The following AOC1 variants were observed in gnomAD, a reference collection of about 807,000 sequenced individuals.
The protein encoded by AOC1 is diamine oxidase [copper-containing].
In AOC1, 58 loss-of-function variants were observed where a neutral mutation model predicts 57.1. That is an observed-to-expected ratio of 1.02 (90% CI 0.82 to 1.26). AOC1 has a LOEUF of 1.26. Among genes scored for constraint, AOC1 ranks in the 50% most tolerant of loss-of-function variants. The pLI is 0.00. For missense variants in AOC1, 917 were observed against 1,005.3 expected, an observed-to-expected ratio of 0.91 and a Z score of 1.19; for synonymous variants, 401 against 423.4, an observed-to-expected ratio of 0.95 and a Z score of 0.65.
intron 1 of AOC1, among the ~76,000 whole-genome samples, chr7:150,853,556 A>T (rs1018645255): frequency 4.7e-5 from 7 of 149,898 alleles, no homozygotes; most frequent in South Asian, 2.1e-4. Context: ...AAAGTCTATT[A>T]AAAAAAAAGT....
intron 3 of AOC1, among the ~76,000 whole-genome samples, chr7:150,859,511 G>A (rs1799901619): frequency 1.3e-5 from 2 of 151,764 alleles, no homozygotes; most frequent in Admixed American, 1.3e-4. Context: ...AGACCATCCT[G>A]GCTAACACGG....
In AOC1 at chr7:150,856,923, C is replaced by G. The variant is rs1367747683; in HGVS notation, c.453C>G (p.Leu151=). The G allele has an allele frequency of 1.2e-6, 2 of 1,614,142 alleles. No individual in the cohort carries two copies. Among genetic ancestry groups the G allele is most frequent in the South Asian group, 1.1e-5 (1 of 91,088 alleles). ...RPISTAEYAL[L]YHTLQEATKP... is the part of the protein sequence containing the mutation. The stretch of plus-strand genomic sequence containing the variant: ...TCTCCACAGCAGAGTATGCCCTCCT[C>G]TACCACACCCTGCAGGAAGCCACCA... The change falls in exon 2 of 5, where the codon CTC becomes CTG. Residue 151 remains leucine, a synonymous_variant. Coordinates refer to ENST00000360937, the MANE Select transcript of AOC1 (RefSeq NM_001091.4). This position sits in a 1 kb window ranked among gnomAD's most constrained non-coding sequence, Gnocchi z 5.2.
chr7:150,854,892 G>A (rs1799728373), intron 1 of AOC1, among the ~76,000 whole-genome samples: 1 of 152,168 alleles, frequency 6.6e-6, no homozygotes, highest in African/African-American at 2.4e-5. Context: ...TGGGCCCCCT[G>A]GGAAGAGGCT....
chr7:150,857,354 T>C lies in AOC1; in HGVS notation c.884T>C (p.Ile295Thr). The change falls in exon 2 of 5, where the codon ATC (isoleucine) becomes ACC (threonine). Residue 295 changes from isoleucine to threonine, a missense_variant. Transcript: ENST00000360937. The surrounding 1 kb of genome is among the most constrained non-coding windows in gnomAD (Gnocchi z 6.6). The part of the protein sequence containing the change: ...HKPRGDFPSP[I>T]HVSGPRLVQP... Reference sequence around the variant, plus strand: ...CCCCGCGGGGACTTCCCCAGCCCCATCCATGTGAGCGGCCCCCGCTTGGTC... The same window carrying C: ...CCCCGCGGGGACTTCCCCAGCCCCACCCATGTGAGCGGCCCCCGCTTGGTC... 1.2e-6 allele frequency: 2 copies of C among 1,606,208 alleles called. No homozygotes were observed. The highest frequency in any genetic ancestry group is 1.7e-4 in the Middle Eastern group (1 of 6,042).
At chr7:150,859,528 C>T (rs1342522118) in intron 3 of AOC1, among the ~76,000 whole-genome samples, 1 of 151,708 alleles carries the variant, frequency 6.6e-6, no homozygotes, top group African/African-American at 2.4e-5. Context: ...ACGGTGAAAC[C>T]TCATCTCTAC....
intron 3 of AOC1, chr7:150,859,810 G>T: frequency 6.4e-6 from 1 of 155,054 alleles, no homozygotes; most frequent in Middle Eastern, 5.2e-4. Flanking sequence ...CACTTTAAGT[G>T]GGCTGAGGAA....
Position 150,858,826 on chromosome 7 carries a change from C to T in AOC1, c.1634C>T (p.Pro545Leu), listed in dbSNP as rs762209291. Reference protein sequence around the residue: ...KLENITNPWSPRHRVVQPTLE... With the variant: ...KLENITNPWSLRHRVVQPTLE... ...GAAAACATCACCAACCCCTGGAGCC[C>T]AAGACACCGCGTGGTCCAGCCAACT... Residue 545 changes from proline (P) to leucine (L), a missense_variant, in exon 3 of 5, where the codon CCA becomes CTA. Transcript: ENST00000360937. The T allele has an allele frequency of 2.5e-6, 4 of 1,613,520 alleles. No individual in the cohort carries two copies. The highest frequency in any genetic ancestry group is 1.3e-5 in the African/African-American group (1 of 74,910).
In AOC1 at chr7:150,857,699, T is replaced by G; in HGVS notation, c.1229T>G (p.Val410Gly). ...CACTACTATGATGCCGATGACCCGGTCCATTATCCCCGAGCCCTCTGCCTC... is the reference window on the plus strand; with the variant it reads ...CACTACTATGATGCCGATGACCCGGGCCATTATCCCCGAGCCCTCTGCCTC... ...TFHYYDADDP[V>G]HYPRALCLFE... The change falls in exon 2 of 5, where the codon GTC becomes GGC. Residue 410 changes from valine to glycine, a missense_variant. Val to Gly is a moderately radical substitution (Grantham distance 109). Transcript: ENST00000360937. This position sits in a 1 kb window ranked among gnomAD's most constrained non-coding sequence, Gnocchi z 6.6. 1 of 1,613,954 alleles carries G rather than the reference T, an allele frequency of 6.2e-7. No individual in the cohort carries two copies. Among genetic ancestry groups the G allele is most frequent in the Non-Finnish European group, 8.5e-7 (1 of 1,179,944 alleles).
chr7:150,856,346 G>C lies in AOC1; in HGVS notation c.-16-109G>C. ...CCAGGACAGCCTCCAGCTTGGGGCAGGGCAAGGGGAGGAAGCTCAGTCCAT... is the reference window on the plus strand; with the variant it reads ...CCAGGACAGCCTCCAGCTTGGGGCACGGCAAGGGGAGGAAGCTCAGTCCAT... On this transcript the variant is annotated intron_variant, in intron 1 of 4. Transcript: ENST00000360937. The surrounding 1 kb of genome is among the most constrained non-coding windows in gnomAD (Gnocchi z 5.2). The C allele has an allele frequency of 7.3e-7, 1 of 1,374,266 alleles. No individual in the cohort carries two copies. The highest frequency in any genetic ancestry group is 1.5e-5 in the South Asian group (1 of 68,488). 85.1% of individuals were successfully genotyped at this position (1,374,266 alleles called of 1,614,324 possible). A position where few individuals can be genotyped will look rare whatever the true frequency, so the allele number is the denominator to read the frequency against.
rs1164786927 is a variant in AOC1 at position 150,861,392 on chromosome 7, ACACACACACAGACGTG to A, written c.*203_*218del. 69 of 599,138 alleles carry A rather than the reference ACACACACACAGACGTG, an allele frequency of 1.2e-4. No homozygotes were observed. The East Asian group carries it at 1.5e-3, about 13-fold the overall frequency. 37.1% of individuals were successfully genotyped at this position (599,138 alleles called of 1,614,324 possible). A position where few individuals can be genotyped will look rare whatever the true frequency, so the allele number is the denominator to read the frequency against. On this transcript the variant is annotated 3_prime_UTR_variant, in exon 5 of 5. Transcript: ENST00000360937. The surrounding 1 kb of genome is among the most constrained non-coding windows in gnomAD (Gnocchi z 4.5). ...GACGTGCACACACACACAGACATGC[ACACACACACAGACGTG>A]CACACACACAGACGTGCACGCACTC...
chr7:150,854,860 G>A (rs531822794), intron 1 of AOC1, among the ~76,000 whole-genome samples: 4 of 152,302 alleles, frequency 2.6e-5, no homozygotes, highest in South Asian at 2.1e-4. Context: ...TGAAATCCTC[G>A]GGGCCTCCCT....
intron 3 of AOC1, 31 bp from the exon 4 acceptor site, chr7:150,860,470 T>G: frequency 1.2e-6 from 2 of 1,613,382 alleles, no homozygotes; most frequent in Middle Eastern, 1.6e-4. Flanking sequence ...CCCAGGGCCC[T>G]GAGCCAAGCT....
At chr7:150,860,442 A>C in intron 3 of AOC1, 59 bp from the exon 4 acceptor site, 1 of 1,611,198 alleles carries the variant, frequency 6.2e-7, no homozygotes, top group Non-Finnish European at 8.5e-7. Flanking sequence ...TTCCCTGGGC[A>C]GGACTGAGGG....
In AOC1 at chr7:150,860,526, C is replaced by G; in HGVS notation, c.1882C>G (p.Arg628Gly). 1 of 1,614,018 alleles carries G rather than the reference C, an allele frequency of 6.2e-7. No individual in the cohort carries two copies. Among genetic ancestry groups the G allele is most frequent in the Non-Finnish European group, 8.5e-7 (1 of 1,179,912 alleles). ...ARYPLAVTKYRESELCSSSIY... is the reference protein window; with the variant it reads ...ARYPLAVTKYGESELCSSSIY... ...GTACCCCCTGGCAGTGACCAAGTAC[C>G]GGGAGTCGGAGCTGTGCAGCAGCAG... is the stretch of plus-strand genomic sequence containing the variant. The change falls in exon 4 of 5, where the codon CGG becomes GGG. Residue 628 changes from arginine to glycine, a missense_variant. Physicochemically the swap from Arg to Gly is moderately radical, Grantham distance 125. Coordinates refer to ENST00000360937, the MANE Select transcript of AOC1 (RefSeq NM_001091.4).
rs995214863 is a variant in AOC1 at position 150,852,744 on chromosome 7, C to T, written c.-17+186C>T. Among the ~76,000 whole-genome samples the T allele has an allele frequency of 2.6e-5, 4 of 152,068 alleles. No individual in the cohort carries two copies. The highest frequency in any genetic ancestry group is 7.2e-5 in the African/African-American group (3 of 41,386). On this transcript the variant is annotated intron_variant, in intron 1 of 4. Transcript: ENST00000360937. The surrounding 1 kb of genome is among the most constrained non-coding windows in gnomAD (Gnocchi z 4.6). The stretch of plus-strand genomic sequence containing the variant: ...CGGGTGCTTGGTGGCAGGCAACAGC[C>T]GGCCAGGGTGGAGTGGGGAAAGCTC...
chr7:150,858,797 G>A lies in AOC1; in HGVS notation c.1605G>A (p.Lys535=). ...TKNSFQTLQM[K]LENITNPWSP... ...ACAGCTTCCAGACACTGCAGATGAA[G>A]CTAGAAAACATCACCAACCCCTGGA... The change falls in exon 3 of 5, where the codon AAG becomes AAA. Residue 535 remains lysine, a synonymous_variant. Transcript: ENST00000360937. 1 of 1,611,678 alleles carries A rather than the reference G, an allele frequency of 6.2e-7. No homozygotes were observed. The highest frequency in any genetic ancestry group is 8.5e-7 in the Non-Finnish European group (1 of 1,177,956).
rs773593619 is a variant in AOC1, at chr7:150,857,204, G to A, written c.734G>A (p.Ser245Asn). 1 of 1,613,036 alleles carries A rather than the reference G, an allele frequency of 6.2e-7. No individual in the cohort carries two copies. The highest frequency in any genetic ancestry group is 8.5e-7 in the Non-Finnish European group (1 of 1,179,422). Residue 245 changes from serine to asparagine, a missense_variant, in exon 2 of 5, where the codon AGC (serine) becomes AAC (asparagine). Transcript: ENST00000360937. The surrounding 1 kb of genome is among the most constrained non-coding windows in gnomAD (Gnocchi z 6.6). Reference sequence around the variant, plus strand: ...TGGTACAACGGGAAGTTCTATGGGAGCCCAGAGGAACTGGCTCGGAAGTAT... The same window carrying A: ...TGGTACAACGGGAAGTTCTATGGGAACCCAGAGGAACTGGCTCGGAAGTAT... ...QVWYNGKFYG[S>N]PEELARKYAD...
At position 150,861,038 on chromosome 7, in the gene AOC1, G is replaced by T; in HGVS notation, c.2085G>T (p.Leu695=). Residue 695 remains leucine (L), a synonymous_variant, in exon 5 of 5, where the codon CTG becomes CTT. Transcript: ENST00000360937. The surrounding 1 kb of genome is among the most constrained non-coding windows in gnomAD (Gnocchi z 4.5). ...TATPGNSVGF[L]LRPFNFFPED... is the part of the protein sequence containing the mutation. ...CACCTGGGAACTCCGTGGGCTTCCTGCTCCGGCCATTCAACTTCTTCCCAG... is the reference window on the plus strand; with the variant it reads ...CACCTGGGAACTCCGTGGGCTTCCTTCTCCGGCCATTCAACTTCTTCCCAG... 1.2e-6 allele frequency: 2 copies of T among 1,614,076 alleles called. No individual in the cohort carries two copies. The highest frequency in any genetic ancestry group is 8.5e-7 in the Non-Finnish European group (1 of 1,179,980).
intron 3 of AOC1, 148 bp from the exon 4 acceptor site, chr7:150,860,353 C>T (rs1799930719): frequency 2.2e-6 from 3 of 1,389,292 alleles, no homozygotes; most frequent in Admixed American, 2.1e-5. Flanking sequence ...AACAGCAGCC[C>T]GTCCTGCTGA....
Sources: allele counts gnomAD v4.1 joint callset (sites outside exome capture counted in the v4.1 genomes callset), GRCh38; gene constraint gnomAD v4.1.1; non-coding constraint Gnocchi (gnomAD v3.1); transcripts MANE v1.5; gene names NCBI Gene and HGNC (gene_info 2026-07-23, HGNC 2026-07-21).